FRMD4B: variants seen among roughly 807,000 people sequenced by gnomAD.
FRMD4B encodes FERM domain containing 4B.
A neutral mutation model predicts 141.5 loss-of-function variants in FRMD4B; 74 were observed. The ratio of observed to expected loss-of-function variants is 0.52; its 90% CI spans 0.43 to 0.63. The LOEUF (loss-of-function observed/expected upper bound fraction) is 0.63, where lower values mean the gene tolerates loss of function less well. Among genes scored for constraint, FRMD4B ranks in the 30% least tolerant of loss-of-function variants. The pLI is 0.00. For synonymous variants in FRMD4B, 506 were observed against 467.9 expected (o/e 1.08, Z -1.05); for missense variants, 1,366 against 1,253.4 (o/e 1.09, Z -1.36).
intron 7 of FRMD4B, among the ~76,000 whole-genome samples, chr3:69,246,483 A>G (rs983057697): frequency 6.6e-6 from 1 of 152,122 alleles, no homozygotes; most frequent in Non-Finnish European, 1.5e-5. Flanking sequence ...AATAAAACAA[A>G]AGAAAAACAA....
chr3:69,191,863 C>T (rs2092841854), intron 17 of FRMD4B, among the ~76,000 whole-genome samples: 1 of 152,210 alleles, frequency 6.6e-6, no homozygotes. Flanking sequence ...TCAACCAAAG[C>T]TACTCTACAT....
At chr3:69,388,314 C>T (rs1244307501), upstream of FRMD4B, among the ~76,000 whole-genome samples, 2 of 152,008 alleles carry the variant, frequency 1.3e-5, no homozygotes, top group Non-Finnish European at 2.9e-5. Flanking sequence ...AAAGTCAGGG[C>T]AATTTTTTAG....
chr3:69,348,064 A>G (rs1238252328), intron 1 of FRMD4B, among the ~76,000 whole-genome samples: 2 of 152,164 alleles, frequency 1.3e-5, no homozygotes, highest in Admixed American at 1.3e-4. Flanking sequence ...TGAAAAGATC[A>G]ACAAAATTGA....
intron 2 of FRMD4B, among the ~76,000 whole-genome samples, chr3:69,391,550 A>G (rs1704384456): frequency 6.6e-6 from 1 of 152,018 alleles, no homozygotes; most frequent in African/African-American, 2.4e-5. Flanking sequence ...TTTCATTTAA[A>G]TCAGAGGCTC....
At chr3:69,343,665 C>T (rs1702826739) in intron 1 of FRMD4B, among the ~76,000 whole-genome samples, 1 of 149,844 alleles carries the variant, frequency 6.7e-6, no homozygotes, top group South Asian at 2.1e-4. Flanking sequence ...CTGCAACCTC[C>T]ACCTCCCGGG....
chr3:69,503,130 T>C (rs1443983074), intron 1 of FRMD4B, among the ~76,000 whole-genome samples: 1 of 152,202 alleles, frequency 6.6e-6, no homozygotes, highest in African/African-American at 2.4e-5. Context: ...AGTGTGGCGA[T>C]TCCTCAAGGA....
At chr3:69,441,872 A>C (rs533037935) in intron 1 of FRMD4B, among the ~76,000 whole-genome samples, 4 of 152,324 alleles carry the variant, frequency 2.6e-5, no homozygotes, top group African/African-American at 7.2e-5. Context: ...TAACTGCAGA[A>C]ATACTTACAA....
intron 5 of FRMD4B, among the ~76,000 whole-genome samples, chr3:69,258,527 T>G (rs1219113641): frequency 6.6e-6 from 1 of 152,234 alleles, no homozygotes; most frequent in Non-Finnish European, 1.5e-5. Flanking sequence ...TTGCAGTTTT[T>G]TTTTCAATAT....
intron 1 of FRMD4B, among the ~76,000 whole-genome samples, chr3:69,383,157 TA>T (rs1559840360): frequency 2.0e-5 from 3 of 152,226 alleles, no homozygotes; most frequent in African/African-American, 2.4e-5. Context: ...AGCTGAAGTA[TA>T]GTAAGATTAA....
rs1333297082 is a variant in FRMD4B at position 69,313,505 on chromosome 3, T to C, written c.175A>G (p.Arg59Gly). The change falls in exon 2 of 23, where the codon AGG becomes GGG. Residue 59 changes from arginine to glycine, a missense_variant. Transcript: ENST00000398540. ...TCCAGGAGGTGCACCTGGCAGTGCC[T>C]GCCTTCTGTCATCTGCAGGAACAAG... ...LQDVYQMTEG[R>G]HCQVHLLDDR... The C allele has an allele frequency of 1.3e-6, 2 of 1,569,020 alleles. No homozygotes were observed. The highest frequency in any genetic ancestry group is 2.7e-5 in the African/African-American group (2 of 73,902).
intron 1 of FRMD4B, among the ~76,000 whole-genome samples, chr3:69,468,266 G>A (rs1364784779): frequency 6.6e-6 from 1 of 152,032 alleles, no homozygotes; most frequent in Non-Finnish European, 1.5e-5. Context: ...GAATAGTCTT[G>A]TTCGGACTAT....
chr3:69,338,664 A>G (rs1702635305), intron 1 of FRMD4B, among the ~76,000 whole-genome samples: 1 of 152,170 alleles, frequency 6.6e-6, no homozygotes, highest in South Asian at 2.1e-4. Flanking sequence ...AGGGAACAAC[A>G]GACACCGAGG....
chr3:69,433,291 G>A (rs1705207914), intron 1 of FRMD4B, among the ~76,000 whole-genome samples: 1 of 152,170 alleles, frequency 6.6e-6, no homozygotes, highest in Non-Finnish European at 1.5e-5. Context: ...TCATTTATAT[G>A]TATTTCTCAT....
At chr3:69,236,775 T>A (rs1313967430) in intron 7 of FRMD4B, among the ~76,000 whole-genome samples, 3 of 152,170 alleles carry the variant, frequency 2.0e-5, no homozygotes, top group Admixed American at 2.0e-4. Flanking sequence ...TACTAAGGCC[T>A]GGGATGGGAT....
At chr3:69,302,927 A>G (rs1701263929) in intron 3 of FRMD4B, among the ~76,000 whole-genome samples, 1 of 152,084 alleles carries the variant, frequency 6.6e-6, no homozygotes, top group African/African-American at 2.4e-5. Flanking sequence ...AAAAAAAATT[A>G]GCCAGGCATG....
At position 69,425,723 on chromosome 3, in the gene FRMD4B, A is replaced by G. The variant is rs1038338183; in HGVS notation, c.-1+6911T>C. Among the ~76,000 whole-genome samples the G allele has an allele frequency of 2.6e-5, 4 of 152,304 alleles. No individual in the cohort carries two copies. The East Asian group carries it at 7.7e-4, about 29-fold the overall frequency. On this transcript the variant is annotated intron_variant, in intron 2 of 5. Transcript: ENST00000459638. ...ACTTGGTACAAAGTAGATGCACAAT[A>G]ATGTTTTATAAAAGCACCACAATAA...
intron 5 of FRMD4B, among the ~76,000 whole-genome samples, chr3:69,252,775 C>G (rs1032509609): frequency 1.3e-5 from 2 of 152,088 alleles, no homozygotes; most frequent in Non-Finnish European, 2.9e-5. Flanking sequence ...ACCATGGCAA[C>G]AGAGGTAACA....
At chr3:69,493,060 A>G (rs1308938718) in intron 1 of FRMD4B, among the ~76,000 whole-genome samples, 1 of 152,212 alleles carries the variant, frequency 6.6e-6, no homozygotes, top group Non-Finnish European at 1.5e-5. Context: ...AAGAACTGGC[A>G]AACTTAAATA....
intron 7 of FRMD4B, among the ~76,000 whole-genome samples, chr3:69,242,840 A>C (rs1475505433): frequency 1.3e-5 from 2 of 151,736 alleles, no homozygotes; most frequent in African/African-American, 4.8e-5. Context: ...TAAAAAATAC[A>C]AAAATTAGCC....
Sources: allele counts gnomAD v4.1 joint callset (sites outside exome capture counted in the v4.1 genomes callset), GRCh38; gene constraint gnomAD v4.1.1; transcripts MANE v1.5; gene names NCBI Gene and HGNC (gene_info 2026-07-23, HGNC 2026-07-21).